AMZ2: variants seen among roughly 807,000 people sequenced by gnomAD.
The protein encoded by AMZ2 is archaemetzincin-2.
In AMZ2, 26 loss-of-function variants were observed where a neutral mutation model predicts 36.7. The ratio of observed to expected loss-of-function variants is 0.71; its 90% confidence interval spans 0.52 to 0.98. The LOEUF (loss-of-function observed/expected upper bound fraction) is 0.98, where lower values mean the gene tolerates loss of function less well. AMZ2 is among the 50% of genes least tolerant of loss of function. The pLI is 0.00. For synonymous variants in AMZ2, 144 were observed against 149.1 expected (o/e 0.97, Z 0.25); for missense variants, 394 against 430.5 (o/e 0.92, Z 0.75).
intron 4 of AMZ2, among the ~76,000 whole-genome samples, chr17:68,251,993 G>C (rs1373545203): frequency 6.6e-6 from 1 of 151,524 alleles, no homozygotes; most frequent in Non-Finnish European, 1.5e-5. Context: ...GATGGGAAAG[G>C]TTCTGCAAAC....
At chr17:68,216,421 A>C (rs540797692) in intron 1 of AMZ2, among the ~76,000 whole-genome samples, 21 of 152,342 alleles carry the variant, frequency 1.4e-4, no homozygotes, top group Non-Finnish European at 2.5e-4. Context: ...GGCCTGGGTC[A>C]CCATGCCCTG....
At position 68,210,261 on chromosome 17, in the gene AMZ2, C is replaced by T. The variant is rs367813467; in HGVS notation, c.-67+4023C>T. Among the ~76,000 whole-genome samples the T allele has an allele frequency of 8.5e-5, 13 of 152,300 alleles. No individual in the cohort carries two copies. In the East Asian group the frequency reaches 2.5e-3, roughly 29 times the overall value. ...CATATGTATACAGCAGCATTATTCT[C>T]AATGACCAAAAGGTGGAAACAGCCT... On this transcript the variant is annotated intron_variant, in intron 1 of 7. Transcript: ENST00000674770.
chr17:68,228,325 C>T (rs1279040830), intron 1 of AMZ2, among the ~76,000 whole-genome samples: 2 of 152,188 alleles, frequency 1.3e-5, no homozygotes, highest in Admixed American at 6.5e-5. Context: ...CATCTGACTC[C>T]TCTGATGCAC....
At chr17:68,251,850 C>A (rs1555739993) in intron 4 of AMZ2, among the ~76,000 whole-genome samples, 1 of 152,118 alleles carries the variant, frequency 6.6e-6, no homozygotes, top group Non-Finnish European at 1.5e-5. Flanking sequence ...TTAGAATAGC[C>A]ATAGACTAAG....
intron 1 of AMZ2, among the ~76,000 whole-genome samples, chr17:68,234,041 A>G (rs1308571902): frequency 6.6e-6 from 1 of 152,138 alleles, no homozygotes; most frequent in Non-Finnish European, 1.5e-5. Flanking sequence ...TGTAACAAGA[A>G]CAAGTAGCAT....
At chr17:68,243,451 T>A (rs1247972267), upstream of AMZ2, among the ~76,000 whole-genome samples, 1 of 152,212 alleles carries the variant, frequency 6.6e-6, no homozygotes, top group African/African-American at 2.4e-5. Flanking sequence ...TGATTTTAAA[T>A]AGATGCTTAG....
chr17:68,224,035 G>T (rs1322471532), intron 1 of AMZ2, among the ~76,000 whole-genome samples: 1 of 149,470 alleles, frequency 6.7e-6, no homozygotes, highest in Non-Finnish European at 1.5e-5. Context: ...GACTACAGGC[G>T]CCCGCCACCA....
intron 1 of AMZ2, among the ~76,000 whole-genome samples, chr17:68,240,601 G>A (rs1469936564): frequency 6.6e-6 from 1 of 152,182 alleles, no homozygotes; most frequent in Non-Finnish European, 1.5e-5. Flanking sequence ...AAGAGTCTCA[G>A]TATCGAAGCG....
At chr17:68,223,895 TA>T (rs1555729178) in intron 1 of AMZ2, among the ~76,000 whole-genome samples, 4 of 106,924 alleles carry the variant, frequency 3.7e-5, no homozygotes, top group African/African-American at 1.7e-4. Flanking sequence ...TATATATATA[TA>T]TATTTTTTTT....
chr17:68,228,172 A>G (rs1599329428), intron 1 of AMZ2, among the ~76,000 whole-genome samples: 1 of 152,016 alleles, frequency 6.6e-6, no homozygotes, highest in South Asian at 2.1e-4. Flanking sequence ...ATTTCTGCCC[A>G]CAGCCACATC....
At chr17:68,227,161 G>C (rs1244231886) in intron 1 of AMZ2, among the ~76,000 whole-genome samples, 1 of 152,084 alleles carries the variant, frequency 6.6e-6, no homozygotes, top group African/African-American at 2.4e-5. Context: ...TGTTCCCACT[G>C]GTGTCACACC....
intron 1 of AMZ2, among the ~76,000 whole-genome samples, chr17:68,219,597 T>G (rs1275627414): frequency 6.6e-6 from 1 of 152,116 alleles, no homozygotes; most frequent in Non-Finnish European, 1.5e-5. Flanking sequence ...AGTGGCACAG[T>G]CATAGGCCAC....
intron 1 of AMZ2, among the ~76,000 whole-genome samples, chr17:68,219,804 G>C (rs1347400974): frequency 3.5e-4 from 53 of 152,118 alleles, no homozygotes; most frequent in African/African-American, 1.3e-3. Flanking sequence ...GAAGTGCTGG[G>C]ATTGTAGGCA....
Position 68,248,149 on chromosome 17 carries a change from G to A in AMZ2, c.-557G>A, listed in dbSNP as rs2074141174. 6.1e-6 allele frequency: 6 copies of A among 986,292 alleles called. No individual in the cohort carries two copies. The highest frequency in any genetic ancestry group is 1.7e-5 in the African/African-American group (1 of 57,266). The allele number at this position is 986,292 out of a possible 1,614,324, so 61.1% of individuals were successfully genotyped here. On this transcript the variant is annotated 5_prime_UTR_variant, in exon 1 of 7. Transcript: ENST00000359904. ...GCGGGTGCTGTCAGAGCTGGGCCGG[G>A]GCCCCTAGGCAGGGTAGCCGGGTCG...
chr17:68,249,970 A>G lies in AMZ2; in HGVS notation c.1-218A>G, dbSNP rs1372644382. On this transcript the variant is annotated intron_variant, in intron 1 of 6. Coordinates refer to ENST00000359904, the MANE Select transcript of AMZ2 (RefSeq NM_016627.5). ...AGTTTTTGTAATGGGAGCAGGTTCCATATGAGATGGAGGAATGGATTTCAT... is the reference window on the plus strand; with the variant it reads ...AGTTTTTGTAATGGGAGCAGGTTCCGTATGAGATGGAGGAATGGATTTCAT... 8 of 557,082 alleles carry G rather than the reference A, an allele frequency of 1.4e-5. No homozygotes were observed. The African/African-American group carries it at 1.5e-4, about 11-fold the overall frequency. 34.5% of individuals were successfully genotyped at this position (557,082 alleles called of 1,614,324 possible). A position where few individuals can be genotyped will look rare whatever the true frequency, so the allele number is the denominator to read the frequency against.
intron 1 of AMZ2, among the ~76,000 whole-genome samples, chr17:68,221,744 A>T (rs1340877946): frequency 1.3e-5 from 2 of 152,012 alleles, no homozygotes; most frequent in African/African-American, 2.4e-5. Context: ...AAGAAAAAAA[A>T]AAATTAGCCG....
At chr17:68,226,793 T>C (rs1421672407) in intron 1 of AMZ2, among the ~76,000 whole-genome samples, 1 of 152,110 alleles carries the variant, frequency 6.6e-6, no homozygotes, top group Admixed American at 6.5e-5. Flanking sequence ...CTGCCTAATT[T>C]ACTCCTAAAA....
chr17:68,231,313 C>T (rs539655389), intron 1 of AMZ2, among the ~76,000 whole-genome samples: 1 of 152,238 alleles, frequency 6.6e-6, no homozygotes, highest in East Asian at 1.9e-4. Context: ...TTACATGATC[C>T]ACCTGCCTCA....
intron 1 of AMZ2, among the ~76,000 whole-genome samples, chr17:68,234,786 AG>A: frequency 6.6e-6 from 1 of 151,668 alleles, no homozygotes; most frequent in Non-Finnish European, 1.5e-5. Flanking sequence ...CTCAAAAAAA[AG>A]AAAAAAAAAA....
Sources: gnomAD v4.1 joint callset for allele counts (sites outside exome capture counted in the v4.1 genomes callset) on GRCh38, gnomAD v4.1.1 for gene constraint, MANE v1.5 for transcripts, NCBI Gene and HGNC (gene_info 2026-07-23, HGNC 2026-07-21) for gene names.